The following FSTL5 variants were observed in gnomAD, a reference collection of about 807,000 sequenced individuals.
FSTL5 encodes follistatin like 5.
In FSTL5, 62 loss-of-function variants were observed where a neutral mutation model predicts 89.1. The ratio of observed to expected loss-of-function variants is 0.70; its 90% CI spans 0.57 to 0.86. The LOEUF is 0.86. Among genes scored for constraint, FSTL5 ranks in the 40% least tolerant of loss-of-function variants. The pLI is 0.00. For missense variants in FSTL5, 1,057 were observed against 1,001.6 expected, an observed-to-expected ratio of 1.06 and a Z score of -0.75; for synonymous variants, 383 against 346.2, an observed-to-expected ratio of 1.11 and a Z score of -1.18.
At chr4:161,500,236 C>A in intron 11 of FSTL5, 102 bp from the exon 12 acceptor site, 2 of 694,874 alleles carry the variant, frequency 2.9e-6, no homozygotes, top group Non-Finnish European at 4.7e-6. Flanking sequence ...GACCAATTTT[C>A]GAAGTTGTGT....
intron 3 of FSTL5, among the ~76,000 whole-genome samples, chr4:161,972,833 A>G (rs1209353540): frequency 6.6e-6 from 1 of 152,222 alleles, no homozygotes; most frequent in African/African-American, 2.4e-5. Context: ...GGGTGCCATC[A>G]CTTTCACATG....
chr4:161,749,696 G>C (rs2126780393), intron 6 of FSTL5, among the ~76,000 whole-genome samples: 2 of 152,174 alleles, frequency 1.3e-5, no homozygotes, highest in East Asian at 3.9e-4. Context: ...GGAGGCTGAG[G>C]CAGGAGAATG....
intron 8 of FSTL5, among the ~76,000 whole-genome samples, chr4:161,560,760 AAC>A (rs1253560474): frequency 6.6e-6 from 1 of 151,874 alleles, no homozygotes; most frequent in Non-Finnish European, 1.5e-5. Flanking sequence ...CAGGGGCAAT[AAC>A]ACACATGGAG....
At chr4:161,739,726 G>A (rs1342659784) in intron 6 of FSTL5, among the ~76,000 whole-genome samples, 2 of 152,114 alleles carry the variant, frequency 1.3e-5, no homozygotes, top group Non-Finnish European at 2.9e-5. Context: ...AAATGTGAAA[G>A]GAGGGGAGGA....
intron 6 of FSTL5, among the ~76,000 whole-genome samples, chr4:161,748,042 A>G (rs1197640866): frequency 6.6e-6 from 1 of 152,188 alleles, no homozygotes; most frequent in Non-Finnish European, 1.5e-5. Flanking sequence ...ATCCTTAAGA[A>G]ATTCAACTTT....
In FSTL5 at chr4:161,689,066, T is replaced by C. The variant is rs1257325864; in HGVS notation, c.728-32572A>G. On this transcript the variant is annotated intron_variant, in intron 6 of 15. Coordinates refer to ENST00000306100, the MANE Select transcript of FSTL5 (RefSeq NM_020116.5). ...ATTTATGTCGCTATACACAGCTGTA[T>C]ATATTCTGCTCATACAACATCCTTT... Among the ~76,000 whole-genome samples the C allele has an allele frequency of 2.0e-5, 3 of 152,200 alleles. No homozygotes were observed. The South Asian group carries it at 6.2e-4, about 31-fold the overall frequency.
intron 4 of FSTL5, among the ~76,000 whole-genome samples, chr4:161,899,739 C>A (rs1370220139): frequency 6.6e-6 from 1 of 151,992 alleles, no homozygotes. Context: ...GTAAGTAAAC[C>A]AAAGACAAAG....
rs1252851898 is a variant in FSTL5 at position 161,500,105 on chromosome 4, A to C, written c.1369T>G (p.Phe457Val). 6.2e-7 allele frequency: 1 copy of C among 1,604,800 alleles called. No homozygotes were observed. The highest frequency in any genetic ancestry group is 8.5e-7 in the Non-Finnish European group (1 of 1,173,598). The change falls in exon 12 of 16, where the codon TTT (phenylalanine) becomes GTT (valine). Residue 457 changes from phenylalanine to valine, a missense_variant. Phe to Val is a conservative substitution (Grantham distance 50, BLOSUM62 -1). Coordinates refer to ENST00000306100, the MANE Select transcript of FSTL5 (RefSeq NM_020116.5). ...ATCACTTTGATTCCATCTTCATAAA[A>C]AACATAGAACATGTTCCCAATTCCC... The part of the protein sequence containing the change: ...GLGIGNMFYV[F>V]YEDGIKVIQP...
At chr4:161,966,337 A>C (rs1312849889) in intron 3 of FSTL5, among the ~76,000 whole-genome samples, 1 of 152,018 alleles carries the variant, frequency 6.6e-6, no homozygotes, top group Non-Finnish European at 1.5e-5. Flanking sequence ...GCTAACTATT[A>C]AAAAAACACT....
chr4:161,476,301 C>A (rs1734147903), intron 13 of FSTL5, among the ~76,000 whole-genome samples: 1 of 151,090 alleles, frequency 6.6e-6, no homozygotes, highest in African/African-American at 2.4e-5. Context: ...GATTCTCCTG[C>A]CTCAGCCTCC....
At chr4:161,525,678 G>A (rs866852113) in intron 10 of FSTL5, among the ~76,000 whole-genome samples, 1 of 152,130 alleles carries the variant, frequency 6.6e-6, no homozygotes, top group Admixed American at 6.5e-5. Flanking sequence ...TGACATTGCT[G>A]GCTCTCAAGG....
intron 12 of FSTL5, among the ~76,000 whole-genome samples, chr4:161,482,072 G>A (rs1729529070): frequency 6.6e-6 from 1 of 152,196 alleles, no homozygotes; most frequent in South Asian, 2.1e-4. Context: ...TGTAATCCCA[G>A]CACTTTGGGA....
chr4:162,061,078 T>G (rs377316328), intron 2 of FSTL5, among the ~76,000 whole-genome samples: 2 of 152,242 alleles, frequency 1.3e-5, no homozygotes, highest in East Asian at 1.9e-4. Flanking sequence ...TTAACTTTAT[T>G]TTTTTGCTTT....
At chr4:161,978,722 G>C (rs867902201) in intron 3 of FSTL5, among the ~76,000 whole-genome samples, 1 of 151,976 alleles carries the variant, frequency 6.6e-6, no homozygotes, top group Admixed American at 6.6e-5. Flanking sequence ...TTGTGTTTCA[G>C]TATGTGTTTT....
intron 15 of FSTL5, among the ~76,000 whole-genome samples, chr4:161,392,734 T>C (rs1024128036): frequency 2.0e-5 from 3 of 152,188 alleles, no homozygotes; most frequent in African/African-American, 7.2e-5. Context: ...CACTCATTTT[T>C]CTGATTAATG....
Position 161,920,761 on chromosome 4 carries a change from G to A in FSTL5, c.161-109C>T, listed in dbSNP as rs931408930. 12 of 1,038,186 alleles carry A rather than the reference G, an allele frequency of 1.2e-5. No individual in the cohort carries two copies. The Admixed American group carries it at 1.4e-4, about 12-fold the overall frequency. The allele number at this position is 1,038,186 out of a possible 1,614,324, so 64.3% of individuals were successfully genotyped here. On this transcript the variant is annotated intron_variant, in intron 3 of 15. Coordinates refer to ENST00000306100, the MANE Select transcript of FSTL5 (RefSeq NM_020116.5). ...AGTGTTCTAAGAAAAGTATAGTATA[G>A]TGTATTCAGGGCTCAATTTTCAGTG...
chr4:162,162,586 A>G (rs1733737834), intron 1 of FSTL5, among the ~76,000 whole-genome samples: 2 of 152,206 alleles, frequency 1.3e-5, no homozygotes, highest in Admixed American at 1.3e-4. Flanking sequence ...AGAAATACAA[A>G]GAGCACAGGA....
At chr4:162,156,248 A>C (rs1325099089) in intron 1 of FSTL5, among the ~76,000 whole-genome samples, 1 of 152,156 alleles carries the variant, frequency 6.6e-6, no homozygotes, top group Non-Finnish European at 1.5e-5. Flanking sequence ...AACAACAGAT[A>C]CTGGTGAGGC....
intron 7 of FSTL5, among the ~76,000 whole-genome samples, chr4:161,627,879 G>T (rs999609895): frequency 1.3e-5 from 2 of 152,030 alleles, no homozygotes; most frequent in Non-Finnish European, 2.9e-5. Context: ...TACTGTCACG[G>T]TCATACAGAC....
Sources: allele counts gnomAD v4.1 joint callset (sites outside exome capture counted in the v4.1 genomes callset), GRCh38; gene constraint gnomAD v4.1.1; transcripts MANE v1.5; gene names NCBI Gene and HGNC (gene_info 2026-07-23, HGNC 2026-07-21).